The following ARAP2 variants were observed in gnomAD, a reference collection of about 807,000 sequenced individuals.
The protein encoded by ARAP2 is ArfGAP with RhoGAP domain, ankyrin repeat and PH domain 2.
In ARAP2, 148 loss-of-function variants were observed where a neutral mutation model predicts 194.5. The ratio of observed to expected loss-of-function variants is 0.76; its 90% CI spans 0.67 to 0.87. ARAP2 has a LOEUF of 0.87. Among genes scored for constraint, ARAP2 ranks in the 40% least tolerant of loss-of-function variants. The pLI, the probability that ARAP2 is intolerant of heterozygous loss-of-function variation, is 0.00. For missense variants in ARAP2, 2,128 were observed against 1,989.7 expected (o/e 1.07, Z -1.32); for synonymous variants, 695 against 683.5 (o/e 1.02, Z -0.26).
At chr4:36,243,946 T>C (rs913928796) in intron 1 of ARAP2, 2 of 152,194 alleles carry the variant, frequency 1.3e-5, no homozygotes, top group African/African-American at 4.8e-5. Flanking sequence ...ATCCTCACCC[T>C]CCCGGGTCAA....
At chr4:36,200,870 G>T (rs1330068954) in intron 6 of ARAP2, among the ~76,000 whole-genome samples, 1 of 152,106 alleles carries the variant, frequency 6.6e-6, no homozygotes, top group African/African-American at 2.4e-5. Flanking sequence ...CTCTGAAGTT[G>T]TATCTTTAAA....
At chr4:36,011,762 T>G (rs886909057) in intron 9 of ARAP2, among the ~76,000 whole-genome samples, 4 of 152,096 alleles carry the variant, frequency 2.6e-5, no homozygotes, top group African/African-American at 9.7e-5. Flanking sequence ...GAATATGAAG[T>G]ATATATCACA....
chr4:36,169,256 C>T (rs1736000549), intron 9 of ARAP2, among the ~76,000 whole-genome samples: 1 of 152,178 alleles, frequency 6.6e-6, no homozygotes, highest in African/African-American at 2.4e-5. Context: ...TGTATCAGAT[C>T]ATTCCAGGTT....
At chr4:36,169,667 G>A (rs543323527) in intron 9 of ARAP2, among the ~76,000 whole-genome samples, 7 of 152,204 alleles carry the variant, frequency 4.6e-5, no homozygotes, top group Non-Finnish European at 1.0e-4. Context: ...GAGTAGCTGG[G>A]ACTACAGGTG....
rs1484653805 is a variant in ARAP2 at position 36,209,285 on chromosome 4, C to T, written c.1487+1105G>A. The T allele has an allele frequency of 1.2e-5, 5 of 405,068 alleles. No homozygotes were observed. The Admixed American group carries it at 1.5e-4, about 12-fold the overall frequency. 25.1% of individuals were successfully genotyped at this position (405,068 alleles called of 1,614,324 possible). On this transcript the variant is annotated intron_variant, in intron 6 of 32. Coordinates refer to ENST00000303965, the MANE Select transcript of ARAP2 (RefSeq NM_015230.4). ...CACATGTTCGACATCTGAATATGCA[C>T]TTACCAATAATACTTAGGACTAAAA...
At chr4:36,024,232 T>C (rs2109346565) in intron 5 of ARAP2, among the ~76,000 whole-genome samples, 1 of 152,262 alleles carries the variant, frequency 6.6e-6, no homozygotes, top group Admixed American at 6.5e-5. Context: ...CAAAAGTTGA[T>C]CAAGTCACAA....
chr4:36,062,953 GTGA>G (rs1178349336), downstream of ARAP2, among the ~76,000 whole-genome samples: 3 of 152,128 alleles, frequency 2.0e-5, no homozygotes, highest in Non-Finnish European at 1.5e-5. Flanking sequence ...GAAATTAAAT[GTGA>G]TGATTGTACA....
Position 36,066,869 on chromosome 4 carries a change from C to A in ARAP2, c.*1038G>T, listed in dbSNP as rs1244474910. The A allele has an allele frequency of 2.0e-5, 3 of 152,154 alleles. No individual in the cohort carries two copies. The highest frequency in any genetic ancestry group is 7.2e-5 in the African/African-American group (3 of 41,438). 9.4% of individuals were successfully genotyped at this position (152,154 alleles called of 1,614,324 possible). A position where few individuals can be genotyped will look rare whatever the true frequency, so the allele number is the denominator to read the frequency against. On this transcript the variant is annotated 3_prime_UTR_variant, in exon 33 of 33. Transcript: ENST00000303965. Reference sequence around the variant, plus strand: ...TAGTAAACCACCAACTAGCCCCTGGCTCCATAATGGCCATATATTGTATTC... The same window carrying A: ...TAGTAAACCACCAACTAGCCCCTGGATCCATAATGGCCATATATTGTATTC...
rs1429372541 is a variant in ARAP2, at chr4:36,066,279, T to C, written c.*1628A>G. 1.3e-5 allele frequency: 2 copies of C among 152,122 alleles called. No homozygotes were observed. Among genetic ancestry groups the C allele is most frequent in the Admixed American group, 1.3e-4 (2 of 15,268 alleles). The allele number at this position is 152,122 out of a possible 1,614,324, so 9.4% of individuals were successfully genotyped here. On this transcript the variant is annotated 3_prime_UTR_variant, in exon 33 of 33. Coordinates refer to ENST00000303965, the MANE Select transcript of ARAP2 (RefSeq NM_015230.4). Reference sequence around the variant, plus strand: ...TTAGAAATAGTATGTTTAAGATTAGTTTTTCTTTCTAAATAACATGATTTC... The same window carrying C: ...TTAGAAATAGTATGTTTAAGATTAGCTTTTCTTTCTAAATAACATGATTTC...
intron 27 of ARAP2, among the ~76,000 whole-genome samples, chr4:36,095,087 G>T (rs1714803030): frequency 6.6e-6 from 1 of 152,132 alleles, no homozygotes; most frequent in Non-Finnish European, 1.5e-5. Flanking sequence ...CAGACACTGA[G>T]ATATTCTTTC....
intron 21 of ARAP2, among the ~76,000 whole-genome samples, chr4:36,126,816 A>G (rs1338882546): frequency 2.6e-5 from 4 of 152,042 alleles, no homozygotes; most frequent in Non-Finnish European, 4.4e-5. Context: ...TGACAACTTT[A>G]GCAAATATAT....
At chr4:36,197,110 T>C (rs1427545603) in intron 6 of ARAP2, among the ~76,000 whole-genome samples, 1 of 151,954 alleles carries the variant, frequency 6.6e-6, no homozygotes, top group Non-Finnish European at 1.5e-5. Flanking sequence ...TCCTTATCTT[T>C]TTGCAAAATA....
chr4:36,090,868 T>G (rs746148455), intron 28 of ARAP2, among the ~76,000 whole-genome samples: 1 of 152,098 alleles, frequency 6.6e-6, no homozygotes, highest in Non-Finnish European at 1.5e-5. Context: ...TTTACCTATC[T>G]AACAAATTTT....
At chr4:36,118,054 G>A (rs1438849884) in intron 24 of ARAP2, among the ~76,000 whole-genome samples, 2 of 151,316 alleles carry the variant, frequency 1.3e-5, no homozygotes, top group Non-Finnish European at 3.0e-5. Context: ...AAAATCTAAT[G>A]AGTAAACTTG....
intron 8 of ARAP2, among the ~76,000 whole-genome samples, chr4:36,179,386 A>G (rs1486747685): frequency 1.3e-5 from 2 of 152,250 alleles, no homozygotes; most frequent in African/African-American, 4.8e-5. Context: ...CCAGGCGAAG[A>G]AGGAGAATCC....
chr4:36,149,863 T>G lies in ARAP2; in HGVS notation c.2897+1037A>C, dbSNP rs750657393. Among the ~76,000 whole-genome samples the G allele has an allele frequency of 1.1e-4, 16 of 152,310 alleles. No homozygotes were observed. The Middle Eastern group carries it at 0.01, about 97-fold the overall frequency. On this transcript the variant is annotated intron_variant, in intron 16 of 32. Transcript: ENST00000303965. ...GTAATATGTTCAATGTAGTTTTATG[T>G]AAATAACAGCTTTGCAAATCTCTTT...
At chr4:36,128,766 T>C (rs548146873) in intron 20 of ARAP2, 21 bp from the exon 21 acceptor site, 2 of 1,553,540 alleles carry the variant, frequency 1.3e-6, no homozygotes, top group East Asian at 4.6e-5. Flanking sequence ...AAAAAAAAAG[T>C]TATACTTTAA....
chr4:36,122,479 C>G (rs537588771), intron 22 of ARAP2, among the ~76,000 whole-genome samples: 1 of 151,898 alleles, frequency 6.6e-6, no homozygotes, highest in African/African-American at 2.4e-5. Context: ...ATGGATGGAG[C>G]TGGAGGCCAA....
intron 28 of ARAP2, among the ~76,000 whole-genome samples, chr4:36,091,228 G>A (rs1713549491): frequency 6.6e-6 from 1 of 152,074 alleles, no homozygotes; most frequent in East Asian, 1.9e-4. Flanking sequence ...GGATACTGAG[G>A]TTGAGAGGTT....
Sources: allele counts gnomAD v4.1 joint callset (sites outside exome capture counted in the v4.1 genomes callset), GRCh38; gene constraint gnomAD v4.1.1; transcripts MANE v1.5; gene names NCBI Gene and HGNC (gene_info 2026-07-23, HGNC 2026-07-21).